Variants in RPS6KC1 observed in about 807,000 individuals in gnomAD.
RPS6KC1 encodes the protein inactive ribosomal protein S6 kinase delta-1.
In RPS6KC1, 54 loss-of-function variants were observed where a neutral mutation model predicts 103.8. That is an observed-to-expected ratio of 0.52 (90% CI 0.42 to 0.65). The LOEUF (loss-of-function observed/expected upper bound fraction) is 0.65, where lower values mean the gene tolerates loss of function less well. Among genes scored for constraint, RPS6KC1 ranks in the 30% least tolerant of loss-of-function variants. RPS6KC1 has a pLI of 0.00. For synonymous variants in RPS6KC1, 439 were observed against 438.7 expected (o/e 1.00, Z -0.01); for missense variants, 1,151 against 1,253.8 (o/e 0.92, Z 1.24).
At chr1:213,501,317 T>G in the RPS6KC1 span, among the ~76,000 whole-genome samples, 1 of 152,208 alleles carries the variant, frequency 6.6e-6, no homozygotes, top group East Asian at 1.9e-4. Context: ...TTTTAAAAAT[T>G]TGATTGCCAT....
rs553034762 is a variant in RPS6KC1 at position 213,117,164 on chromosome 1, G to GT, written c.379-144dup. ...TTACAGTCGATGAGATATACCTATT[G>GT]TTTTTTTTTGAAAACACTTGTCATC... On this transcript the variant is annotated intron_variant, in intron 4 of 14. Coordinates refer to ENST00000366960, the MANE Select transcript of RPS6KC1 (RefSeq NM_012424.6). Among the ~76,000 whole-genome samples, 316 of 150,420 alleles carry GT rather than the reference G, an allele frequency of 2.1e-3. 1 individual carries two copies. The highest frequency in any genetic ancestry group is 4.9e-3 in the East Asian group (25 of 5,112).
the RPS6KC1 span, among the ~76,000 whole-genome samples, chr1:213,435,161 G>A: frequency 6.6e-6 from 1 of 151,978 alleles, no homozygotes; most frequent in African/African-American, 2.4e-5. Context: ...TGTCTATTCT[G>A]CTGTTAATTT....
the RPS6KC1 span, among the ~76,000 whole-genome samples, chr1:213,798,483 G>A: frequency 6.6e-6 from 1 of 152,260 alleles, no homozygotes; most frequent in Admixed American, 6.5e-5. Context: ...AGGCGGATAG[G>A]GTACTCCCCA....
the RPS6KC1 span, among the ~76,000 whole-genome samples, chr1:213,736,010 G>T: frequency 1.3e-5 from 2 of 152,138 alleles, no homozygotes; most frequent in African/African-American, 4.8e-5. Context: ...CTTAACACCC[G>T]CTGGCTCTGC....
chr1:213,358,767 G>A, the RPS6KC1 span, among the ~76,000 whole-genome samples: 3 of 152,122 alleles, frequency 2.0e-5, no homozygotes, highest in East Asian at 1.9e-4. Flanking sequence ...CTTTGTTCTC[G>A]TTGGTTTCAA....
At chr1:213,115,679 T>C (rs995060131) in intron 4 of RPS6KC1, among the ~76,000 whole-genome samples, 13 of 151,902 alleles carry the variant, frequency 8.6e-5, no homozygotes, top group African/African-American at 2.4e-4. Context: ...CTGCTTTCTC[T>C]TGTGGGCATT....
the RPS6KC1 span, among the ~76,000 whole-genome samples, chr1:213,318,783 C>T: frequency 1.3e-5 from 2 of 152,112 alleles, no homozygotes; most frequent in Non-Finnish European, 2.9e-5. Flanking sequence ...GAAAGACCTG[C>T]CCCCATGATT....
the RPS6KC1 span, among the ~76,000 whole-genome samples, chr1:213,813,364 G>A: frequency 6.6e-6 from 1 of 151,682 alleles, no homozygotes; most frequent in Non-Finnish European, 1.5e-5. Context: ...GATAACTGAC[G>A]AGATGGAGCC....
intron 8 of RPS6KC1, among the ~76,000 whole-genome samples, chr1:213,217,136 C>A (rs928584888): frequency 3.3e-5 from 5 of 151,464 alleles, no homozygotes; most frequent in Non-Finnish European, 7.4e-5. Context: ...AAGACTAATA[C>A]AGAAGAAAAG....
chr1:213,135,752 T>A (rs2086200730), intron 6 of RPS6KC1, among the ~76,000 whole-genome samples: 1 of 152,214 alleles, frequency 6.6e-6, no homozygotes, highest in African/African-American at 2.4e-5. Context: ...TTTCCTTTCT[T>A]TAGTTGATCC....
intron 5 of RPS6KC1, among the ~76,000 whole-genome samples, chr1:213,121,529 A>G (rs2084384262): frequency 6.6e-6 from 1 of 152,318 alleles, no homozygotes; most frequent in African/African-American, 2.4e-5. Flanking sequence ...ATTTCAACTT[A>G]TGTCTTTTCC....
the RPS6KC1 span, among the ~76,000 whole-genome samples, chr1:213,630,479 T>C: frequency 6.6e-6 from 1 of 152,204 alleles, no homozygotes; most frequent in Non-Finnish European, 1.5e-5. Flanking sequence ...TAGCCATTCA[T>C]CTAATTTTTT....
intron 8 of RPS6KC1, among the ~76,000 whole-genome samples, chr1:213,219,041 A>T (rs2093749534): frequency 1.3e-5 from 2 of 152,234 alleles, no homozygotes; most frequent in African/African-American, 4.8e-5. Flanking sequence ...GAGCTTCTGC[A>T]CAGCAAAAGA....
the RPS6KC1 span, among the ~76,000 whole-genome samples, chr1:213,701,769 C>T: frequency 6.6e-6 from 1 of 151,998 alleles, no homozygotes; most frequent in Admixed American, 6.5e-5. Flanking sequence ...ACTCCTTTTT[C>T]ATCTCTGGAT....
At chr1:213,229,898 T>C (rs2094049668) in intron 8 of RPS6KC1, among the ~76,000 whole-genome samples, 1 of 152,216 alleles carries the variant, frequency 6.6e-6, no homozygotes, top group South Asian at 2.1e-4. Context: ...ACACTGTAGT[T>C]ACAAGTTAGG....
At chr1:213,808,912 G>A in the RPS6KC1 span, among the ~76,000 whole-genome samples, 11 of 152,302 alleles carry the variant, frequency 7.2e-5, no homozygotes, top group South Asian at 1.2e-3. Flanking sequence ...GTTCCTATTC[G>A]GCCATCTTGG....
chr1:213,304,946 T>C, the RPS6KC1 span, among the ~76,000 whole-genome samples: 1 of 152,244 alleles, frequency 6.6e-6, no homozygotes, highest in Admixed American at 6.5e-5. Flanking sequence ...TTCTATTACA[T>C]GGAGGTCCTC....
At chr1:213,092,355 T>C (rs181317728) in intron 3 of RPS6KC1, among the ~76,000 whole-genome samples, 180 of 152,264 alleles carry the variant, frequency 1.2e-3, no homozygotes, top group African/African-American at 3.2e-3. Flanking sequence ...AGCCAAGTAA[T>C]AGGATTTTGG....
At chr1:213,808,002 C>G in the RPS6KC1 span, among the ~76,000 whole-genome samples, 1 of 152,286 alleles carries the variant, frequency 6.6e-6, no homozygotes, top group South Asian at 2.1e-4. Flanking sequence ...ACAGACAGGA[C>G]CCTCAGCTGC....
Sources: allele counts gnomAD v4.1 joint callset (sites outside exome capture counted in the v4.1 genomes callset), GRCh38; gene constraint gnomAD v4.1.1; transcripts MANE v1.5; gene names NCBI Gene and HGNC (gene_info 2026-07-23, HGNC 2026-07-21).